Variants in TENM3 observed in about 807,000 individuals in gnomAD.
The protein encoded by TENM3 is teneurin-3.
TENM3 carries 63 observed loss-of-function variants against 255.1 expected under a neutral mutation model. The ratio of observed to expected loss-of-function variants is 0.25; its 90% CI spans 0.20 to 0.30. The LOEUF is 0.30. Ranked by LOEUF, TENM3 falls within the 10% of genes least tolerant of loss-of-function variation. TENM3 has a pLI of 1.00. For synonymous variants in TENM3, 1,306 were observed against 1,322.3 expected, an observed-to-expected ratio of 0.99 and a Z score of 0.27; for missense variants, 2,929 against 3,461.1, an observed-to-expected ratio of 0.85 and a Z score of 3.86.
At chr4:182,779,963 T>C in intron 24 of TENM3, among the ~76,000 whole-genome samples, 1 of 151,116 alleles carries the variant, frequency 6.6e-6, no homozygotes, top group Non-Finnish European at 1.5e-5. Flanking sequence ...TAGCCCTTTG[T>C]CAGATGAGTA....
Position 182,448,207 on chromosome 4 carries a change from G to A in TENM3, c.511+101278G>A, listed in dbSNP as rs562333048. On this transcript the variant is annotated intron_variant, in intron 3 of 27. Transcript: ENST00000511685. ...GCTGCGGGGACGAGGGCGCAGAGCAGCCCCCGCCACGGGCCGGTCCACGCA... is the reference window on the plus strand; with the variant it reads ...GCTGCGGGGACGAGGGCGCAGAGCAACCCCCGCCACGGGCCGGTCCACGCA... Among the ~76,000 whole-genome samples the A allele has an allele frequency of 2.4e-3, 373 of 152,288 alleles. 1 individual carries two copies. The highest frequency in any genetic ancestry group is 8.7e-3 in the African/African-American group (363 of 41,578).
the TENM3 span, among the ~76,000 whole-genome samples, chr4:181,977,061 G>A: frequency 2.6e-5 from 4 of 152,168 alleles, no homozygotes; most frequent in Middle Eastern, 3.2e-3. Flanking sequence ...AAGAGACAGC[G>A]TGGCGTTGTA....
At chr4:181,462,064 C>T in the TENM3 span, among the ~76,000 whole-genome samples, 4 of 152,116 alleles carry the variant, frequency 2.6e-5, no homozygotes, top group Admixed American at 2.6e-4. Flanking sequence ...TGCTTTTATG[C>T]TGTGATAGGG....
the TENM3 span, among the ~76,000 whole-genome samples, chr4:181,554,344 C>T: frequency 6.6e-6 from 1 of 152,216 alleles, no homozygotes; most frequent in Admixed American, 6.5e-5. Flanking sequence ...ACGGGGAGGG[C>T]TGAGAAAGAA....
At chr4:182,627,209 C>T (rs897640153) in intron 4 of TENM3, among the ~76,000 whole-genome samples, 2 of 152,110 alleles carry the variant, frequency 1.3e-5, no homozygotes, top group Non-Finnish European at 2.9e-5. Context: ...TTACATAACA[C>T]TTGGTATATT....
intron 3 of TENM3, among the ~76,000 whole-genome samples, chr4:182,567,598 A>G (rs1233273642): frequency 1.3e-5 from 2 of 152,014 alleles, no homozygotes; most frequent in African/African-American, 2.4e-5. Context: ...AGGCCTTTGT[A>G]CTGTCCCTTA....
chr4:181,793,651 A>G, the TENM3 span, among the ~76,000 whole-genome samples: 1 of 152,188 alleles, frequency 6.6e-6, no homozygotes, highest in African/African-American at 2.4e-5. Flanking sequence ...CAATTCCAAG[A>G]TGAAAACCTT....
At chr4:181,609,344 G>A in the TENM3 span, among the ~76,000 whole-genome samples, 1 of 152,206 alleles carries the variant, frequency 6.6e-6, no homozygotes, top group African/African-American at 2.4e-5. Context: ...AATAGCCAGT[G>A]AAGAGGGTTT....
At chr4:182,174,204 A>G (rs765430573) in intron 1 of TENM3, among the ~76,000 whole-genome samples, 5 of 152,074 alleles carry the variant, frequency 3.3e-5, no homozygotes, top group Non-Finnish European at 7.4e-5. Flanking sequence ...ATACATTTGG[A>G]TACTAAGGGT....
the TENM3 span, among the ~76,000 whole-genome samples, chr4:182,073,830 A>C: frequency 6.6e-6 from 1 of 152,150 alleles, no homozygotes; most frequent in Non-Finnish European, 1.5e-5. Context: ...CTCAGGCATC[A>C]TGAAAACCCA....
the TENM3 span, chr4:182,012,613 G>A: frequency 2.6e-5 from 4 of 152,134 alleles, no homozygotes; most frequent in African/African-American, 9.7e-5. Context: ...AACATGTGGT[G>A]GATAACACTT....
At position 182,289,187 on chromosome 4, in the gene TENM3, G is replaced by A. The variant is rs185617126; in HGVS notation, c.-75-34759G>A. 6.4e-3 allele frequency among the ~76,000 whole-genome samples: 968 copies of A among 152,314 alleles called. 3 individuals carry two copies. Among genetic ancestry groups the A allele is most frequent in the Middle Eastern group, 0.014 (4 of 294 alleles). On this transcript the variant is annotated intron_variant, in intron 1 of 27. Transcript: ENST00000511685. ...GGAGGCTTCAGTGAGCTGTGATTGC[G>A]CCACCGCACTCCAGCCTGGGCGAGG... is the stretch of plus-strand genomic sequence containing the variant.
intron 22 of TENM3, among the ~76,000 whole-genome samples, chr4:182,757,725 G>A (rs534334162): frequency 8.5e-5 from 13 of 152,186 alleles, no homozygotes; most frequent in African/African-American, 2.9e-4. Context: ...CTTAGGAATC[G>A]GCAGACTGGC....
the TENM3 span, among the ~76,000 whole-genome samples, chr4:181,539,310 A>G: frequency 6.6e-6 from 1 of 152,224 alleles, no homozygotes; most frequent in Non-Finnish European, 1.5e-5. Context: ...AATTATTACA[A>G]TGTTTAAAAT....
intron 12 of TENM3, among the ~76,000 whole-genome samples, chr4:182,710,236 G>T (rs1004263288): frequency 6.6e-6 from 1 of 152,074 alleles, no homozygotes; most frequent in Non-Finnish European, 1.5e-5. Context: ...AACTCCAGAA[G>T]TTTCGATGGC....
rs530472058 is a variant in TENM3 at position 182,342,622 on chromosome 4, G to A, written c.233-4029G>A. On this transcript the variant is annotated intron_variant, in intron 2 of 27. Transcript: ENST00000511685. ...ACACTTCAAGTGGGTGCATTTTGTG[G>A]TATGTGAGTTATGTTTCAATAAAAC... 4.6e-5 allele frequency among the ~76,000 whole-genome samples: 7 copies of A among 152,250 alleles called. No individual in the cohort carries two copies. The South Asian group carries it at 1.2e-3, about 27-fold the overall frequency.
intron 4 of TENM3, among the ~76,000 whole-genome samples, chr4:182,618,055 T>C (rs1749708571): frequency 6.6e-6 from 1 of 152,234 alleles, no homozygotes; most frequent in South Asian, 2.1e-4. Flanking sequence ...TAAAAATGTT[T>C]TTAACACTAT....
Position 182,610,079 on chromosome 4 carries a change from C to A in TENM3, c.749+8918C>A, listed in dbSNP as rs190556119. 9.7e-4 allele frequency among the ~76,000 whole-genome samples: 147 copies of A among 152,256 alleles called. 1 individual carries two copies. Among genetic ancestry groups the A allele is most frequent in the Middle Eastern group, 3.4e-3 (1 of 294 alleles). On this transcript the variant is annotated intron_variant, in intron 4 of 27. Coordinates refer to ENST00000511685, the MANE Select transcript of TENM3 (RefSeq NM_001080477.4). ...ACAGTAAGAATAATCACTAAATCCTCAACTTAATTGACTTCCTAACAGAGA... is the reference window on the plus strand; with the variant it reads ...ACAGTAAGAATAATCACTAAATCCTAAACTTAATTGACTTCCTAACAGAGA...
the TENM3 span, among the ~76,000 whole-genome samples, chr4:181,849,478 A>T: frequency 0.091 from 13,866 of 152,276 alleles, 1,392 homozygotes; most frequent in African/African-American, 0.24. Flanking sequence ...TCTTTAAAAA[A>T]ATCTCTAGAG....
Sources: gnomAD v4.1 joint callset for allele counts (sites outside exome capture counted in the v4.1 genomes callset) on GRCh38, gnomAD v4.1.1 for gene constraint, MANE v1.5 for transcripts, NCBI Gene and HGNC (gene_info 2026-07-23, HGNC 2026-07-21) for gene names.